GXYLT2: variants seen among roughly 807,000 people sequenced by gnomAD.
GXYLT2 encodes the protein glucoside xylosyltransferase 2, also known as glycosyltransferase 8 domain containing 4.
A neutral mutation model predicts 45.8 loss-of-function variants in GXYLT2; 53 were observed. The ratio of observed to expected loss-of-function variants is 1.16; its 90% CI spans 0.93 to 1.46. The LOEUF (loss-of-function observed/expected upper bound fraction) is 1.46. Among genes scored for constraint, GXYLT2 ranks in the 40% most tolerant of loss-of-function variants. The pLI is 0.00. For missense variants in GXYLT2, 551 were observed against 544.4 expected, an observed-to-expected ratio of 1.01 and a Z score of -0.12; for synonymous variants, 219 against 214.2, an observed-to-expected ratio of 1.02 and a Z score of -0.19.
chr3:72,946,610 A>AG lies in GXYLT2; in HGVS notation c.601-8484dup, dbSNP rs1470508199. On this transcript the variant is annotated intron_variant, in intron 3 of 6. Transcript: ENST00000389617. The stretch of plus-strand genomic sequence containing the variant: ...TCTCACCGTGTCCTCCTGTGGTGGA[A>AG]GGGGTGAGAGAGCTCTCCGAGGCCT... 2.6e-5 allele frequency among the ~76,000 whole-genome samples: 4 copies of AG among 152,210 alleles called. No homozygotes were observed. In the South Asian group the frequency reaches 6.2e-4, roughly 24 times the overall value.
intron 6 of GXYLT2, 124 bp downstream of exon 6, chr3:72,967,843 C>T (rs1226734374): frequency 1.2e-5 from 9 of 741,828 alleles, no homozygotes; most frequent in Admixed American, 4.8e-5. Context: ...CAGTTATTCC[C>T]GACCTCAGTC....
Position 72,955,170 on chromosome 3 carries a change from A to T in GXYLT2, c.673A>T (p.Ile225Phe), listed in dbSNP as rs1455977433. 7 of 1,613,892 alleles carry T rather than the reference A, an allele frequency of 4.3e-6. No individual in the cohort carries two copies. The African/African-American group carries it at 6.7e-5, about 15-fold the overall frequency. ...CCTCTTTCTGAGACCTGTTGATGACATCTGGAAGCTTCTGAGGCTGTTTAA... is the reference window on the plus strand; with the variant it reads ...CCTCTTTCTGAGACCTGTTGATGACTTCTGGAAGCTTCTGAGGCTGTTTAA... ...DVLFLRPVDD[I>F]WKLLRLFNST... The change falls in exon 4 of 7, where the codon ATC becomes TTC. Residue 225 changes from isoleucine (I) to phenylalanine (F), a missense_variant. Coordinates refer to ENST00000389617, the MANE Select transcript of GXYLT2 (RefSeq NM_001080393.2).
chr3:72,930,174 C>CG (rs1553707535), intron 3 of GXYLT2, among the ~76,000 whole-genome samples: 1 of 147,512 alleles, frequency 6.8e-6, no homozygotes, highest in Non-Finnish European at 1.5e-5. Flanking sequence ...CTCAAAAAAA[C>CG]AAAAAAAAAA....
intron 3 of GXYLT2, among the ~76,000 whole-genome samples, chr3:72,928,724 G>C (rs1709964162): frequency 2.0e-5 from 3 of 151,752 alleles, no homozygotes; most frequent in Admixed American, 6.6e-5. Flanking sequence ...AATTCAAATG[G>C]TCCTTAATTT....
In GXYLT2 at chr3:72,955,257, C is replaced by T. The variant is rs369831629; in HGVS notation, c.760C>T (p.Arg254Cys). Residue 254 changes from arginine to cysteine, a missense_variant, in exon 4 of 7, where the codon CGC becomes TGC. Transcript: ENST00000389617. Reference sequence around the variant, plus strand: ...AATCCCCAAGATTGGCTGGTACAGCCGCTTTGCTAGGCATCCTTTCTATGG... The same window carrying T: ...AATCCCCAAGATTGGCTGGTACAGCTGCTTTGCTAGGCATCCTTTCTATGG... ...HEIPKIGWYS[R>C]FARHPFYGSA... 5.6e-6 allele frequency: 9 copies of T among 1,613,860 alleles called. No homozygotes were observed. Among genetic ancestry groups the T allele is most frequent in the South Asian group, 1.1e-5 (1 of 91,080 alleles).
intron 4 of GXYLT2, 60 bp from the exon 5 acceptor site, chr3:72,957,169 C>G (rs1262525988): frequency 6.5e-7 from 1 of 1,536,232 alleles, no homozygotes; most frequent in African/African-American, 1.4e-5. Flanking sequence ...TACATTGTTT[C>G]TCAGTGGACA....
intron 3 of GXYLT2, among the ~76,000 whole-genome samples, chr3:72,936,293 A>G (rs1294983376): frequency 7.7e-6 from 1 of 129,422 alleles, no homozygotes; most frequent in Non-Finnish European, 1.7e-5. Flanking sequence ...CTCCATCTCA[A>G]AAAAAAGAAA....
intron 3 of GXYLT2, among the ~76,000 whole-genome samples, chr3:72,950,427 C>T (rs1710499544): frequency 6.6e-6 from 1 of 152,120 alleles, no homozygotes; most frequent in Admixed American, 6.6e-5. Context: ...CGCCATTGCA[C>T]TCCAGCCCAG....
intron 3 of GXYLT2, among the ~76,000 whole-genome samples, chr3:72,934,715 G>A (rs884766): frequency 0.55 from 83,794 of 152,046 alleles, 24,174 homozygotes; most frequent in Admixed American, 0.63. Context: ...TCTAAAGAAA[G>A]TAAAACAGGG....
chr3:72,971,398 C>G (rs1000015965), intron 6 of GXYLT2, among the ~76,000 whole-genome samples: 49 of 152,296 alleles, frequency 3.2e-4, no homozygotes, highest in African/African-American at 1.2e-3. Context: ...TTTCCCCATT[C>G]TCTACAATGC....
chr3:72,970,314 A>G (rs1575820053), intron 6 of GXYLT2, among the ~76,000 whole-genome samples: 1 of 151,712 alleles, frequency 6.6e-6, no homozygotes, highest in East Asian at 1.9e-4. Flanking sequence ...TTGCACTACT[A>G]CACTCCAGCC....
At chr3:72,974,331 A>C (rs1711050529) in intron 6 of GXYLT2, among the ~76,000 whole-genome samples, 1 of 152,218 alleles carries the variant, frequency 6.6e-6, no homozygotes, top group Non-Finnish European at 1.5e-5. Flanking sequence ...AATATTTGGT[A>C]CCTGAATTAT....
intron 2 of GXYLT2, among the ~76,000 whole-genome samples, chr3:72,919,729 T>G (rs909993854): frequency 1.3e-5 from 2 of 152,210 alleles, no homozygotes; most frequent in Non-Finnish European, 2.9e-5. Flanking sequence ...CACTCCAGTC[T>G]GGATGACAGC....
chr3:72,964,164 C>T (rs1343350188), intron 5 of GXYLT2, among the ~76,000 whole-genome samples: 1 of 152,014 alleles, frequency 6.6e-6, no homozygotes, highest in African/African-American at 2.4e-5. Flanking sequence ...TAACTTACCA[C>T]GATTATAGAG....
intron 1 of GXYLT2, among the ~76,000 whole-genome samples, chr3:72,892,419 T>C (rs1709200978): frequency 6.6e-6 from 1 of 152,356 alleles, no homozygotes; most frequent in Non-Finnish European, 1.5e-5. Context: ...AAGATACCTC[T>C]AAGCCCTGTA....
intron 2 of GXYLT2, among the ~76,000 whole-genome samples, chr3:72,918,735 C>G (rs1041080373): frequency 2.0e-5 from 3 of 151,792 alleles, no homozygotes; most frequent in African/African-American, 7.3e-5. Flanking sequence ...GGCTGAGGCA[C>G]AAGAATTGCT....
chr3:72,939,723 C>T (rs572371035), intron 3 of GXYLT2, among the ~76,000 whole-genome samples: 6 of 150,558 alleles, frequency 4.0e-5, no homozygotes, highest in Non-Finnish European at 3.0e-5. Context: ...GTCTGTCGCC[C>T]AGGCTGGAGT....
At chr3:72,894,253 C>T (rs1709237983) in intron 1 of GXYLT2, among the ~76,000 whole-genome samples, 1 of 152,172 alleles carries the variant, frequency 6.6e-6, no homozygotes, top group Non-Finnish European at 1.5e-5. Context: ...TTCTTGGGCC[C>T]TGTGTTGGAG....
At chr3:72,903,228 G>A (rs1443554889) in intron 1 of GXYLT2, among the ~76,000 whole-genome samples, 1 of 152,138 alleles carries the variant, frequency 6.6e-6, no homozygotes, top group Non-Finnish European at 1.5e-5. Context: ...GAGGCAATAG[G>A]TCTTACGCAA....
Sources: gnomAD v4.1 joint callset for allele counts (sites outside exome capture counted in the v4.1 genomes callset) on GRCh38, gnomAD v4.1.1 for gene constraint, MANE v1.5 for transcripts, NCBI Gene and HGNC (gene_info 2026-07-23, HGNC 2026-07-21) for gene names.